The following PDZD2 variants were observed in gnomAD, a reference collection of about 807,000 sequenced individuals.
PDZD2 encodes PDZ domain-containing protein 2.
A neutral mutation model predicts 220.7 loss-of-function variants in PDZD2; 90 were observed. That is an observed-to-expected ratio of 0.41 (90% CI 0.34 to 0.49). The LOEUF is 0.49. Ranked by LOEUF, PDZD2 falls within the 20% of genes least tolerant of loss-of-function variation. PDZD2 has a pLI of 0.28. For synonymous variants in PDZD2, 1,375 were observed against 1,450.5 expected, an observed-to-expected ratio of 0.95 and a Z score of 1.18; for missense variants, 3,174 against 3,608.5, an observed-to-expected ratio of 0.88 and a Z score of 3.08.
chr5:31,738,939 G>A (rs1488688950), intron 1 of PDZD2, among the ~76,000 whole-genome samples: 1 of 151,484 alleles, frequency 6.6e-6, no homozygotes, highest in Non-Finnish European at 1.5e-5. Flanking sequence ...AGGCTGGAGT[G>A]CAGTGGCACC....
intron 7 of PDZD2, among the ~76,000 whole-genome samples, chr5:32,038,184 A>T (rs1393672355): frequency 1.1e-5 from 1 of 93,438 alleles, no homozygotes; most frequent in Non-Finnish European, 2.5e-5. Flanking sequence ...TCCTCCATTA[A>T]AAAAAAAAAA....
chr5:31,940,814 C>T (rs1746146885), intron 2 of PDZD2, among the ~76,000 whole-genome samples: 1 of 152,198 alleles, frequency 6.6e-6, no homozygotes, highest in Non-Finnish European at 1.5e-5. Flanking sequence ...CCTGAGACCG[C>T]AGGGGCAGAA....
At chr5:31,838,936 C>G (rs947176512) in intron 2 of PDZD2, among the ~76,000 whole-genome samples, 2 of 152,182 alleles carry the variant, frequency 1.3e-5, no homozygotes, top group African/African-American at 4.8e-5. Flanking sequence ...AGAGAGGGCT[C>G]AGCCTCTGCA....
At chr5:32,068,742 G>T (rs904349023) in intron 14 of PDZD2, among the ~76,000 whole-genome samples, 2 of 152,246 alleles carry the variant, frequency 1.3e-5, no homozygotes, top group East Asian at 3.9e-4. Flanking sequence ...GAATGTCTTT[G>T]TTTCTAAGAG....
At chr5:31,977,747 C>T (rs891355502) in intron 2 of PDZD2, among the ~76,000 whole-genome samples, 6 of 152,022 alleles carry the variant, frequency 3.9e-5, no homozygotes, top group Admixed American at 6.6e-5. Flanking sequence ...CTGAGGCGGG[C>T]GGATCACTTG....
intron 1 of PDZD2, among the ~76,000 whole-genome samples, chr5:31,792,832 A>G (rs1024909918): frequency 6.7e-6 from 1 of 149,830 alleles, no homozygotes; most frequent in Admixed American, 6.7e-5. Context: ...ATTTAATTTA[A>G]TTTTATTATT....
At chr5:31,780,372 A>C (rs567537485) in intron 1 of PDZD2, among the ~76,000 whole-genome samples, 1 of 152,234 alleles carries the variant, frequency 6.6e-6, no homozygotes, top group East Asian at 1.9e-4. Flanking sequence ...AGGCAGTTCA[A>C]ACACCTTGTG....
Position 32,089,818 on chromosome 5 carries a change from T to C in PDZD2, c.6370T>C (p.Cys2124Arg). The C allele has an allele frequency of 6.2e-7, 1 of 1,613,998 alleles. No individual in the cohort carries two copies. The highest frequency in any genetic ancestry group is 8.5e-7 in the Non-Finnish European group (1 of 1,179,900). The change falls in exon 20 of 25, where the codon TGT becomes CGT. Residue 2124 changes from cysteine to arginine, a missense_variant. By Grantham distance (180) the Cys-to-Arg change is radical. Coordinates refer to ENST00000438447, the MANE Select transcript of PDZD2 (RefSeq NM_178140.4). ...RRGGCLAQGN[C>R]QEKSEIRLYR... ...GGGAGGGTGCTTGGCCCAGGGCAAC[T>C]GTCAGGAGAAGAGTGAAATCAGGCT...
At position 31,942,374 on chromosome 5, in the gene PDZD2, C is replaced by T. The variant is rs563827720; in HGVS notation, c.477-40781C>T. On this transcript the variant is annotated intron_variant, in intron 2 of 24. Transcript: ENST00000438447. ...AAGTGTGAGTGCTATCCTTTGTGTG[C>T]TTATGGGCATGTGTGTGTGTGTGTG... 6.7e-3 allele frequency among the ~76,000 whole-genome samples: 806 copies of T among 120,732 alleles called. 5 individuals carry two copies. The highest frequency in any genetic ancestry group is 0.027 in the African/African-American group (758 of 27,710). 79.2% of individuals were successfully genotyped at this position (120,732 alleles called of 152,430 possible).
rs746091101 is a variant in PDZD2 at position 32,109,751 on chromosome 5, G to T, written c.*1616G>T. 6.6e-6 allele frequency: 1 copy of T among 152,412 alleles called. No homozygotes were observed. Among genetic ancestry groups the T allele is most frequent in the Non-Finnish European group, 1.5e-5 (1 of 68,056 alleles). The allele number at this position is 152,412 out of a possible 1,614,324, so 9.4% of individuals were successfully genotyped here. On this transcript the variant is annotated 3_prime_UTR_variant, in exon 25 of 25. Coordinates refer to ENST00000438447, the MANE Select transcript of PDZD2 (RefSeq NM_178140.4). ...TAAATAACCTACAGCTTGGGTCTATGGCTGTGACCCCCAGATTCATGGAGG... is the reference window on the plus strand; with the variant it reads ...TAAATAACCTACAGCTTGGGTCTATTGCTGTGACCCCCAGATTCATGGAGG...
At chr5:31,816,287 CAA>C (rs34233316) in intron 2 of PDZD2, among the ~76,000 whole-genome samples, 31 of 99,066 alleles carry the variant, frequency 3.1e-4, no homozygotes, top group Admixed American at 4.1e-4. Context: ...GACTCCATCT[CAA>C]AAAAAAAAAA....
chr5:31,766,039 G>A (rs1393529238), intron 1 of PDZD2, among the ~76,000 whole-genome samples: 2 of 152,102 alleles, frequency 1.3e-5, no homozygotes, highest in African/African-American at 4.8e-5. Context: ...AATTAGCTGG[G>A]CATGGTGGTG....
At chr5:31,694,969 C>G (rs190317263) in intron 1 of PDZD2, among the ~76,000 whole-genome samples, 2 of 151,740 alleles carry the variant, frequency 1.3e-5, no homozygotes, top group Non-Finnish European at 2.9e-5. Flanking sequence ...ACTGAAAATA[C>G]AAAAATTAGC....
At chr5:31,757,256 A>C (rs1278954173) in intron 1 of PDZD2, among the ~76,000 whole-genome samples, 1 of 152,166 alleles carries the variant, frequency 6.6e-6, no homozygotes, top group Non-Finnish European at 1.5e-5. Flanking sequence ...ACTGCACTCC[A>C]AACTGGATGA....
At chr5:31,745,258 A>G (rs1750525393) in intron 1 of PDZD2, among the ~76,000 whole-genome samples, 1 of 152,154 alleles carries the variant, frequency 6.6e-6, no homozygotes, top group Admixed American at 6.5e-5. Flanking sequence ...GATGGACCCA[A>G]AGGGGTATAA....
chr5:31,748,226 A>T lies in PDZD2; in HGVS notation c.-360-50663A>T, dbSNP rs143853034. 8.0e-5 allele frequency: 12 copies of T among 150,006 alleles called. No individual in the cohort carries two copies. The East Asian group carries it at 2.5e-3, about 31-fold the overall frequency. The allele number at this position is 150,006 out of a possible 1,614,324, so 9.3% of individuals were successfully genotyped here. On this transcript the variant is annotated intron_variant, in intron 1 of 24. Transcript: ENST00000438447. Reference sequence around the variant, plus strand: ...ATCAGACAAATAATATCCTTGACCTACCACGACATATTCATTTTTTTGTTT... The same window carrying T: ...ATCAGACAAATAATATCCTTGACCTTCCACGACATATTCATTTTTTTGTTT...
intron 2 of PDZD2, among the ~76,000 whole-genome samples, chr5:31,849,939 TATATATATACATATATATATATACAC>T (rs1757867084): frequency 3.5e-5 from 1 of 28,480 alleles, no homozygotes; most frequent in Non-Finnish European, 5.4e-5. Context: ...TATACACATA[TATATATATACATATATATATATACAC>T]ATATATATAT....
chr5:32,040,537 G>T (rs530244776), intron 7 of PDZD2, among the ~76,000 whole-genome samples: 1 of 142,836 alleles, frequency 7.0e-6, no homozygotes, highest in East Asian at 2.2e-4. Context: ...GATGAGGAGC[G>T]CCTCTGCCCG....
intron 2 of PDZD2, among the ~76,000 whole-genome samples, chr5:31,884,049 C>T (rs796286637): frequency 6.6e-5 from 10 of 151,974 alleles, no homozygotes; most frequent in African/African-American, 2.4e-4. Context: ...CCCATCTGTA[C>T]TAAAAATACA....
Sources: gnomAD v4.1 joint callset for allele counts (sites outside exome capture counted in the v4.1 genomes callset) on GRCh38, gnomAD v4.1.1 for gene constraint, MANE v1.5 for transcripts, NCBI Gene and HGNC (gene_info 2026-07-23, HGNC 2026-07-21) for gene names.